Variants in OSTN observed in about 807,000 individuals in gnomAD.
The protein encoded by OSTN is osteocrin.
Under a neutral mutation model 12.0 loss-of-function variants are expected in OSTN, and 9 were observed. The observed-to-expected ratio is 0.75, with a 90% CI of 0.45 to 1.30. OSTN has a LOEUF of 1.30. Ranked by LOEUF, OSTN falls within the 50% of genes most tolerant of loss-of-function variation. The pLI is 0.00. For missense variants in OSTN, 148 were observed against 152.3 expected (o/e 0.97, Z 0.15); for synonymous variants, 59 against 56.9 (o/e 1.04, Z -0.16).
At chr3:191,204,150 A>C (rs535607354) in intron 1 of OSTN, among the ~76,000 whole-genome samples, 109 of 152,310 alleles carry the variant, frequency 7.2e-4, no homozygotes, top group African/African-American at 2.5e-3. Context: ...TCGGCATCCC[A>C]AAGTGCTGGG....
In OSTN at chr3:191,264,504, T is replaced by TG. The variant is rs1715877147; in HGVS notation, c.*1652dup. On this transcript the variant is annotated 3_prime_UTR_variant, in exon 5 of 5. Coordinates refer to ENST00000682035, the MANE Select transcript of OSTN (RefSeq NM_198184.2). Reference sequence around the variant, plus strand: ...ATTTTTTTTCATTGTAGTAGAGGGCTGTAGCCAAGAGAAGTGAATTTTGGG... The same window carrying TG: ...ATTTTTTTTCATTGTAGTAGAGGGCTGGTAGCCAAGAGAAGTGAATTTTGGG... 1 of 152,190 alleles carries TG rather than the reference T, an allele frequency of 6.6e-6. No homozygotes were observed. The highest frequency in any genetic ancestry group is 1.5e-5 in the Non-Finnish European group (1 of 67,982). The allele number at this position is 152,190 out of a possible 1,614,324, so 9.4% of individuals were successfully genotyped here. A position where few individuals can be genotyped will look rare whatever the true frequency, so the allele number is the denominator to read the frequency against.
chr3:191,201,343 C>A lies in OSTN; in HGVS notation c.-1+2036C>A, dbSNP rs149360807. Among the ~76,000 whole-genome samples the A allele has an allele frequency of 3.8e-4, 58 of 152,204 alleles. No homozygotes were observed. In the East Asian group the frequency reaches 0.011, roughly 29 times the overall value. ...TTTGAGCAGGTTCATTCTCTCTGAG[C>A]CTCACTTTCTCCATCTATTAATTGT... On this transcript the variant is annotated intron_variant, in intron 1 of 4. Coordinates refer to ENST00000682035, the MANE Select transcript of OSTN (RefSeq NM_198184.2).
chr3:191,234,700 A>G (rs1229646221), intron 3 of OSTN: 1 of 150,900 alleles, frequency 6.6e-6, no homozygotes, highest in Non-Finnish European at 1.5e-5. Flanking sequence ...CCATCTGAAA[A>G]AAAAAAAAAA....
intron 3 of OSTN, among the ~76,000 whole-genome samples, chr3:191,247,756 A>G (rs559810928): frequency 6.6e-6 from 1 of 152,378 alleles, no homozygotes; most frequent in South Asian, 2.1e-4. Flanking sequence ...TATTTTAATT[A>G]GAACTTATCA....
chr3:191,223,373 T>A (rs1285754576), intron 3 of OSTN, among the ~76,000 whole-genome samples: 3 of 152,184 alleles, frequency 2.0e-5, no homozygotes, highest in Non-Finnish European at 2.9e-5. Context: ...TGGGGAGATA[T>A]CACCATTAGA....
intron 3 of OSTN, among the ~76,000 whole-genome samples, chr3:191,246,604 CA>C (rs34157872): frequency 1.9e-3 from 202 of 106,778 alleles, no homozygotes; most frequent in East Asian, 2.4e-3. Flanking sequence ...GACCCTGTAT[CA>C]AAAAAAAAAA....
chr3:191,206,648 G>A (rs1714280838), intron 1 of OSTN, among the ~76,000 whole-genome samples: 1 of 152,184 alleles, frequency 6.6e-6, no homozygotes, highest in Non-Finnish European at 1.5e-5. Flanking sequence ...TTAGAGGTCA[G>A]TTAGACCATC....
chr3:191,244,938 A>G (rs914869838), intron 3 of OSTN, among the ~76,000 whole-genome samples: 1 of 152,144 alleles, frequency 6.6e-6, no homozygotes, highest in Non-Finnish European at 1.5e-5. Flanking sequence ...TTACTATTTT[A>G]TCCACTTGAC....
intron 1 of OSTN, among the ~76,000 whole-genome samples, chr3:191,205,459 T>C (rs1714250834): frequency 6.6e-6 from 1 of 151,136 alleles, no homozygotes; most frequent in Admixed American, 6.6e-5. Flanking sequence ...TATATATATA[T>C]GTATATAAAA....
At chr3:191,212,687 A>G (rs1432145427) in intron 2 of OSTN, 53 bp downstream of exon 2, 8 of 800,792 alleles carry the variant, frequency 1.0e-5, no homozygotes, top group African/African-American at 3.6e-5. Flanking sequence ...ATGCTTTATA[A>G]ATGACATGTT....
chr3:191,260,625 G>T (rs1013629804), intron 4 of OSTN, among the ~76,000 whole-genome samples: 1 of 152,056 alleles, frequency 6.6e-6, no homozygotes, highest in Admixed American at 6.6e-5. Flanking sequence ...CCCCGCCCCC[G>T]AGCTTGGGAG....
intron 3 of OSTN, among the ~76,000 whole-genome samples, chr3:191,227,961 TTTC>T (rs1220109037): frequency 3.3e-5 from 5 of 152,220 alleles, no homozygotes; most frequent in African/African-American, 1.2e-4. Context: ...ACGAATCCCC[TTTC>T]TTATTTACAC....
intron 3 of OSTN, chr3:191,234,596 C>A: frequency 6.7e-6 from 1 of 150,316 alleles, no homozygotes; most frequent in Non-Finnish European, 1.5e-5. Flanking sequence ...CCTTGGGAAG[C>A]TGAGGCAGGA....
At chr3:191,250,857 T>G (rs1473034750) in intron 4 of OSTN, among the ~76,000 whole-genome samples, 1 of 152,172 alleles carries the variant, frequency 6.6e-6, no homozygotes, top group African/African-American at 2.4e-5. Context: ...ATTGCTTCAC[T>G]TAATCATTTT....
chr3:191,216,982 A>G (rs945685070), intron 2 of OSTN: 1 of 149,824 alleles, frequency 6.7e-6, no homozygotes, highest in African/African-American at 2.4e-5. Flanking sequence ...TTTGGTAACA[A>G]TTTACTGTAT....
chr3:191,217,724 A>G (rs970839833), intron 2 of OSTN, among the ~76,000 whole-genome samples: 1 of 152,260 alleles, frequency 6.6e-6, no homozygotes, highest in African/African-American at 2.4e-5. Context: ...GCACAAAGTT[A>G]TTGGGATATC....
At chr3:191,256,627 C>CT (rs200599634) in intron 4 of OSTN, among the ~76,000 whole-genome samples, 15,742 of 141,806 alleles carry the variant, frequency 0.11, 2,064 homozygotes, top group African/African-American at 0.32. Flanking sequence ...CTCTCTCCTC[C>CT]TTTTTTTTTT....
At chr3:191,241,162 CTTGACTTTTTTTT>C (rs1715308640) in intron 3 of OSTN, among the ~76,000 whole-genome samples, 1 of 97,400 alleles carries the variant, frequency 1.0e-5, no homozygotes, top group Non-Finnish European at 2.2e-5. Flanking sequence ...AGCTCTGTGC[CTTGACTTTTTTTT>C]TTTTTTTTTT....
chr3:191,205,381 T>G (rs1275714198), intron 1 of OSTN, among the ~76,000 whole-genome samples: 2 of 151,814 alleles, frequency 1.3e-5, no homozygotes, highest in Non-Finnish European at 2.9e-5. Context: ...AGTTTGAATA[T>G]TTTTTTGAAT....
Sources: allele counts gnomAD v4.1 joint callset (sites outside exome capture counted in the v4.1 genomes callset), GRCh38; gene constraint gnomAD v4.1.1; transcripts MANE v1.5; gene names NCBI Gene and HGNC (gene_info 2026-07-23, HGNC 2026-07-21).